Variants in MMP15 observed in about 807,000 individuals in gnomAD.
MMP15 encodes matrix metalloproteinase-15.
Under a neutral mutation model 65.0 loss-of-function variants are expected in MMP15, and 36 were observed. The observed-to-expected ratio is 0.55, with a 90% CI of 0.42 to 0.73. MMP15 has a LOEUF of 0.73. MMP15 is among the 30% of genes least tolerant of loss of function. MMP15 has a pLI of 0.00. For synonymous variants in MMP15, 428 were observed against 410.2 expected (o/e 1.04, Z -0.52); for missense variants, 870 against 987.8 (o/e 0.88, Z 1.60).
Position 58,026,374 on chromosome 16 carries a change from C to T in MMP15, c.24C>T (p.Pro8=). The change falls in exon 1 of 10, where the codon CCC becomes CCT. Residue 8 remains proline (P), a synonymous_variant. Transcript: ENST00000219271. MGSDPSA[P]GRPGWTGSLL... is the part of the protein sequence containing the mutation. Reference sequence around the variant, plus strand: ...GCATGGGCAGCGACCCGAGCGCGCCCGGACGGCCGGGCTGGACGGGCAGCC... The same window carrying T: ...GCATGGGCAGCGACCCGAGCGCGCCTGGACGGCCGGGCTGGACGGGCAGCC... 4 of 1,374,126 alleles carry T rather than the reference C, an allele frequency of 2.9e-6. No individual in the cohort carries two copies. Among genetic ancestry groups the T allele is most frequent in the African/African-American group, 1.5e-5 (1 of 65,514 alleles). The allele number at this position is 1,374,126 out of a possible 1,614,324, so 85.1% of individuals were successfully genotyped here.
At position 58,026,368 on chromosome 16, in the gene MMP15, C is replaced by A; in HGVS notation, c.18C>A (p.Ser6Arg). Reference protein sequence around the residue: MGSDPSAPGRPGWTGS... With the variant: MGSDPRAPGRPGWTGS... ...CCGAGAGCATGGGCAGCGACCCGAGCGCGCCCGGACGGCCGGGCTGGACGG... is the reference window on the plus strand; with the variant it reads ...CCGAGAGCATGGGCAGCGACCCGAGAGCGCCCGGACGGCCGGGCTGGACGG... Residue 6 changes from serine to arginine, a missense_variant, in exon 1 of 10, where the codon AGC (serine) becomes AGA (arginine). Ser to Arg is a moderately radical substitution (Grantham distance 110). Coordinates refer to ENST00000219271, the MANE Select transcript of MMP15 (RefSeq NM_002428.4). 1 of 1,365,314 alleles carries A rather than the reference C, an allele frequency of 7.3e-7. No individual in the cohort carries two copies. Among genetic ancestry groups the A allele is most frequent in the African/African-American group, 1.5e-5 (1 of 65,316 alleles). The allele number at this position is 1,365,314 out of a possible 1,614,324, so 84.6% of individuals were successfully genotyped here.
At chr16:58,028,564 C>T (rs1335416231) in intron 1 of MMP15, among the ~76,000 whole-genome samples, 2 of 152,190 alleles carry the variant, frequency 1.3e-5, no homozygotes, top group African/African-American at 4.8e-5. Context: ...GCCTCAGACT[C>T]CTGGGCCTGG....
intron 1 of MMP15, among the ~76,000 whole-genome samples, chr16:58,031,300 G>C (rs1312470277): frequency 6.6e-6 from 1 of 152,198 alleles, no homozygotes; most frequent in Non-Finnish European, 1.5e-5. Context: ...CCACCAGGCA[G>C]AATTCTGCTG....
At chr16:58,044,866 A>T in intron 9 of MMP15, 141 bp from the exon 10 acceptor site, 1 of 951,564 alleles carries the variant, frequency 1.1e-6, no homozygotes, top group Non-Finnish European at 1.6e-6. Flanking sequence ...CTGCAAGTTG[A>T]GAAGGGGCAG....
At chr16:58,031,616 G>C (rs1963890070) in intron 1 of MMP15, among the ~76,000 whole-genome samples, 1 of 152,140 alleles carries the variant, frequency 6.6e-6, no homozygotes, top group African/African-American at 2.4e-5. Flanking sequence ...AGGCTGGAAG[G>C]CTGCTGGGTA....
intron 1 of MMP15, among the ~76,000 whole-genome samples, chr16:58,033,179 C>G (rs754351732): frequency 6.6e-6 from 1 of 152,242 alleles, no homozygotes; most frequent in Non-Finnish European, 1.5e-5. Flanking sequence ...CGCCCAGACC[C>G]GGCCGGAGAT....
At chr16:58,044,926 C>A in intron 9 of MMP15, 81 bp from the exon 10 acceptor site, 1 of 1,495,786 alleles carries the variant, frequency 6.7e-7, no homozygotes, top group African/African-American at 1.4e-5. Context: ...TTTTGAAGCC[C>A]TCAGCATGTC....
intron 2 of MMP15, 116 bp from the exon 3 acceptor site, chr16:58,038,150 A>T: frequency 3.7e-6 from 5 of 1,360,298 alleles, no homozygotes; most frequent in Non-Finnish European, 5.1e-6. Context: ...CCCCATCCCC[A>T]CTGTGTCATA....
Position 58,045,553 on chromosome 16 carries a change from A to G in MMP15, c.*107A>G, listed in dbSNP as rs914208135. 2 of 877,678 alleles carry G rather than the reference A, an allele frequency of 2.3e-6. No individual in the cohort carries two copies. The highest frequency in any genetic ancestry group is 3.4e-5 in the African/African-American group (2 of 58,862). The allele number at this position is 877,678 out of a possible 1,614,324, so 54.4% of individuals were successfully genotyped here. On this transcript the variant is annotated 3_prime_UTR_variant, in exon 10 of 10. Coordinates refer to ENST00000219271, the MANE Select transcript of MMP15 (RefSeq NM_002428.4). The stretch of plus-strand genomic sequence containing the variant: ...TAGGGGCCCCTCTCAGCCCTCACAC[A>G]CCCTGTCTGCCCCGCCCTCATTATT...
chr16:58,029,891 G>A (rs1010642170), intron 1 of MMP15, among the ~76,000 whole-genome samples: 5 of 152,070 alleles, frequency 3.3e-5, no homozygotes, highest in African/African-American at 1.2e-4. Context: ...CTACACTGCA[G>A]GCGTGGAAAA....
Position 58,042,384 on chromosome 16 carries a change from G to A in MMP15, c.1303+15G>A, listed in dbSNP as rs750883429. On this transcript the variant is annotated intron_variant, in intron 7 of 9. Transcript: ENST00000219271. ...CTTTTTCAAAGGTGAGCAGAGGTAGGGTTAGAGGGTTGGGCACGCCTCCTG... is the reference window on the plus strand; with the variant it reads ...CTTTTTCAAAGGTGAGCAGAGGTAGAGTTAGAGGGTTGGGCACGCCTCCTG... 1.2e-6 allele frequency: 2 copies of A among 1,613,420 alleles called. No individual in the cohort carries two copies.
Position 58,041,683 on chromosome 16 carries a change from G to A in MMP15, c.977G>A (p.Arg326Gln), listed in dbSNP as rs573938874. ...LPTVTPRRPG[R>Q]PDHRPPRPPQ... The stretch of plus-strand genomic sequence containing the variant: ...ACTGTGACGCCACGGCGGCCAGGCC[G>A]GCCTGACCACCGGCCGCCCCGGCCT... Residue 326 changes from arginine to glutamine, a missense_variant, in exon 6 of 10, where the codon CGG becomes CAG. Transcript: ENST00000219271. 1.7e-5 allele frequency: 27 copies of A among 1,579,138 alleles called. 1 individual carries two copies. The highest frequency in any genetic ancestry group is 3.3e-4 in the Middle Eastern group (2 of 6,028).
intron 1 of MMP15, 151 bp downstream of exon 1, chr16:58,026,663 C>A: frequency 1.2e-6 from 1 of 868,214 alleles, no homozygotes; most frequent in Non-Finnish European, 1.6e-6. Flanking sequence ...GGCAGTCTGC[C>A]CCTCCCCAGC....
At position 58,032,795 on chromosome 16, in the gene MMP15, C is replaced by T. The variant is rs558287524; in HGVS notation, c.163-4677C>T. Among the ~76,000 whole-genome samples, 40 of 152,330 alleles carry T rather than the reference C, an allele frequency of 2.6e-4. No homozygotes were observed. In the East Asian group the frequency reaches 5.0e-3, roughly 19 times the overall value. On this transcript the variant is annotated intron_variant, in intron 1 of 9. Transcript: ENST00000219271. ...GGACCTCACAAGGCCACAAAAGGTCCGGGGGCTGGATCCATCGCTGGCAGC... is the reference window on the plus strand; with the variant it reads ...GGACCTCACAAGGCCACAAAAGGTCTGGGGGCTGGATCCATCGCTGGCAGC...
At chr16:58,042,866 G>A (rs1296057774) in intron 7 of MMP15, among the ~76,000 whole-genome samples, 1 of 152,198 alleles carries the variant, frequency 6.6e-6, no homozygotes, top group Non-Finnish European at 1.5e-5. Context: ...CACTGTGAGG[G>A]CTGCAGGTGT....
chr16:58,034,259 C>G (rs1229246813), intron 1 of MMP15, among the ~76,000 whole-genome samples: 1 of 152,214 alleles, frequency 6.6e-6, no homozygotes, highest in Non-Finnish European at 1.5e-5. Flanking sequence ...GAGTCATGAC[C>G]TAGGGACTCA....
intron 9 of MMP15, among the ~76,000 whole-genome samples, chr16:58,044,433 G>C (rs565480200): frequency 1.3e-5 from 2 of 152,026 alleles, no homozygotes; most frequent in South Asian, 4.1e-4. Flanking sequence ...GGTGACTCAG[G>C]GGGGACCTTG....
rs747020133 is a variant in MMP15, at chr16:58,040,131, A to G, written c.697A>G (p.Thr233Ala). The part of the protein sequence containing the change: ...YFPGPGLGGD[T>A]HFDADEPWTF... ...CCCTGGCCCCGGCCTAGGCGGGGAC[A>G]CCCATTTTGACGCAGATGAGCCCTG... Residue 233 changes from threonine (T) to alanine (A), a missense_variant, in exon 4 of 10, where the codon ACC (threonine) becomes GCC (alanine). By Grantham distance (58) the Thr-to-Ala change is moderately conservative. Transcript: ENST00000219271. 3.1e-6 allele frequency: 5 copies of G among 1,613,242 alleles called. No individual in the cohort carries two copies. The highest frequency in any genetic ancestry group is 4.2e-6 in the Non-Finnish European group (5 of 1,180,006).
At chr16:58,041,469 C>T (rs906118191) in intron 5 of MMP15, 148 bp from the exon 6 acceptor site, 41 of 818,434 alleles carry the variant, frequency 5.0e-5, no homozygotes, top group Middle Eastern at 3.0e-4. Context: ...CAGGTCCCAC[C>T]GAGGATGGAG....
Sources: gnomAD v4.1 joint callset for allele counts (sites outside exome capture counted in the v4.1 genomes callset) on GRCh38, gnomAD v4.1.1 for gene constraint, MANE v1.5 for transcripts, NCBI Gene and HGNC (gene_info 2026-07-23, HGNC 2026-07-21) for gene names.